Variants in AUTS2 observed in about 807,000 individuals in gnomAD.
AUTS2 encodes activator of transcription and developmental regulator AUTS2.
AUTS2 carries 17 observed loss-of-function variants against 112.4 expected under a neutral mutation model. The ratio of observed to expected loss-of-function variants is 0.15; its 90% CI spans 0.10 to 0.23. The LOEUF (loss-of-function observed/expected upper bound fraction) is 0.23, where lower values mean the gene tolerates loss of function less well. Ranked by LOEUF, AUTS2 falls within the 10% of genes least tolerant of loss-of-function variation. AUTS2 has a pLI of 1.00. For synonymous variants in AUTS2, 751 were observed against 702.7 expected, an observed-to-expected ratio of 1.07 and a Z score of -1.09; for missense variants, 1,510 against 1,701.6, an observed-to-expected ratio of 0.89 and a Z score of 1.98.
intron 4 of AUTS2, among the ~76,000 whole-genome samples, chr7:70,390,612 G>A (rs1374539296): frequency 6.6e-6 from 1 of 151,916 alleles, no homozygotes; most frequent in East Asian, 1.9e-4. Context: ...CATGAGGAGA[G>A]TTGAAGGAAA....
At chr7:69,912,391 G>GGT (rs1562964561) in intron 2 of AUTS2, among the ~76,000 whole-genome samples, 1 of 152,190 alleles carries the variant, frequency 6.6e-6, no homozygotes, top group East Asian at 1.9e-4. Flanking sequence ...CTCAGTGGAG[G>GGT]GTGGGGCTCC....
intron 2 of AUTS2, among the ~76,000 whole-genome samples, chr7:70,053,257 G>GCATCTAC (rs1801834654): frequency 1.3e-5 from 2 of 152,054 alleles, no homozygotes; most frequent in African/African-American, 4.8e-5. Context: ...GAGTGGGGAA[G>GCATCTAC]GTGTTCCTTA....
At chr7:70,036,128 G>A (rs1479480664) in intron 2 of AUTS2, among the ~76,000 whole-genome samples, 2 of 152,198 alleles carry the variant, frequency 1.3e-5, no homozygotes, top group Non-Finnish European at 2.9e-5. Flanking sequence ...GCCAGAGGTG[G>A]TTTGAGAGGC....
intron 1 of AUTS2, among the ~76,000 whole-genome samples, chr7:69,638,954 A>G (rs763845859): frequency 1.2e-4 from 18 of 152,222 alleles, no homozygotes; most frequent in Non-Finnish European, 2.4e-4. Flanking sequence ...GAACTTTTCA[A>G]TTTGCTAGTG....
intron 1 of AUTS2, among the ~76,000 whole-genome samples, chr7:69,632,781 T>C (rs774349734): frequency 1.1e-4 from 17 of 152,148 alleles, no homozygotes; most frequent in Non-Finnish European, 2.1e-4. Flanking sequence ...GCCACAACAC[T>C]AAGTTTTCAT....
chr7:70,297,301 T>A (rs1196182571), intron 4 of AUTS2, among the ~76,000 whole-genome samples: 1 of 152,146 alleles, frequency 6.6e-6, no homozygotes, highest in South Asian at 2.1e-4. Flanking sequence ...AACAAAGCTG[T>A]CTACGTAGTT....
intron 2 of AUTS2, among the ~76,000 whole-genome samples, chr7:69,960,331 T>C (rs1797379924): frequency 6.6e-6 from 1 of 152,210 alleles, no homozygotes; most frequent in Non-Finnish European, 1.5e-5. Context: ...GTGAATGTTA[T>C]TCACAAACTA....
chr7:69,612,466 CT>C (rs879396764), intron 1 of AUTS2, among the ~76,000 whole-genome samples: 115 of 145,472 alleles, frequency 7.9e-4, no homozygotes, highest in East Asian at 1.6e-3. Flanking sequence ...TATTTTAAAA[CT>C]TTTTTTTTTT....
rs140840745 is a variant in AUTS2, at chr7:70,539,870, C to T, written c.690+104089C>T. Among the ~76,000 whole-genome samples the T allele has an allele frequency of 9.9e-5, 15 of 152,242 alleles. No individual in the cohort carries two copies. In the East Asian group the frequency reaches 2.7e-3, roughly 27 times the overall value. ...GTCTGCCAACAAAACCAGCGCTGCCCGCCTGTTCTGTGGGGGTTGGCACAG... is the reference window on the plus strand; with the variant it reads ...GTCTGCCAACAAAACCAGCGCTGCCTGCCTGTTCTGTGGGGGTTGGCACAG... On this transcript the variant is annotated intron_variant, in intron 5 of 18. Transcript: ENST00000342771.
At chr7:70,500,819 T>TCAAGCGATTCTCCCGCA (rs1299690317) in intron 5 of AUTS2, among the ~76,000 whole-genome samples, 1 of 152,078 alleles carries the variant, frequency 6.6e-6, no homozygotes, top group Non-Finnish European at 1.5e-5. Flanking sequence ...CCTCCCAGGT[T>TCAAGCGATTCTCCCGCA]CAAGCGATTC....
intron 1 of AUTS2, among the ~76,000 whole-genome samples, chr7:69,830,766 T>G (rs1436255051): frequency 2.0e-5 from 3 of 152,244 alleles, no homozygotes; most frequent in Non-Finnish European, 2.9e-5. Context: ...TTAAATCGTT[T>G]TCTTTGGCTT....
chr7:69,861,168 A>AG (rs912209816), intron 1 of AUTS2, among the ~76,000 whole-genome samples: 1 of 148,656 alleles, frequency 6.7e-6, no homozygotes, highest in Non-Finnish European at 1.5e-5. Flanking sequence ...GATTTGTAGG[A>AG]GGGGGTGGGA....
At chr7:70,757,591 G>C (rs1270378620) in intron 6 of AUTS2, among the ~76,000 whole-genome samples, 1 of 151,410 alleles carries the variant, frequency 6.6e-6, no homozygotes, top group Non-Finnish European at 1.5e-5. Flanking sequence ...GATCCTGTTG[G>C]GTTTTTAAGT....
Position 70,106,667 on chromosome 7 carries a change from G to A in AUTS2, c.523-11465G>A, listed in dbSNP as rs968185662. On this transcript the variant is annotated intron_variant, in intron 2 of 18. Transcript: ENST00000342771. ...CCCAGGAGTTCAAGGCTGCAGTGGG[G>A]TGTGATCGTACCACTGCACTCCAGG... 2.0e-5 allele frequency among the ~76,000 whole-genome samples: 3 copies of A among 152,182 alleles called. No homozygotes were observed. In the East Asian group the frequency reaches 5.8e-4, roughly 29 times the overall value.
chr7:70,304,488 C>G (rs1473562111), intron 4 of AUTS2, among the ~76,000 whole-genome samples: 1 of 152,120 alleles, frequency 6.6e-6, no homozygotes, highest in Non-Finnish European at 1.5e-5. Flanking sequence ...AGGGATCACC[C>G]ATGACCTTTT....
chr7:70,517,435 G>A (rs1799459671), intron 5 of AUTS2, among the ~76,000 whole-genome samples: 1 of 152,056 alleles, frequency 6.6e-6, no homozygotes, highest in South Asian at 2.1e-4. Context: ...ACCTCAAAAT[G>A]ATACAAATTG....
In AUTS2 at chr7:70,090,009, C is replaced by CAAATAAATAAATAAAT. The variant is rs34279658; in HGVS notation, c.523-28102_523-28087dup. On this transcript the variant is annotated intron_variant, in intron 2 of 18. Transcript: ENST00000342771. The stretch of plus-strand genomic sequence containing the variant: ...GAAAGACAGAGAGACTGTTTCAAAA[C>CAAATAAATAAATAAAT]AAATAAATAAATAAATAAATAAATA... Among the ~76,000 whole-genome samples the CAAATAAATAAATAAAT allele has an allele frequency of 6.0e-4, 87 of 144,416 alleles. 1 individual carries two copies. The highest frequency in any genetic ancestry group is 1.5e-3 in the Admixed American group (22 of 14,452). The allele number at this position is 144,416 out of a possible 152,430, so 94.7% of individuals were successfully genotyped here. A position where few individuals can be genotyped will look rare whatever the true frequency, so the allele number is the denominator to read the frequency against.
intron 1 of AUTS2, among the ~76,000 whole-genome samples, chr7:69,821,513 T>C (rs1043487417): frequency 6.6e-6 from 1 of 152,112 alleles, no homozygotes; most frequent in Non-Finnish European, 1.5e-5. Flanking sequence ...AATGCAGCAC[T>C]GATCCCCTTC....
At chr7:69,846,410 G>T (rs1002203179) in intron 1 of AUTS2, among the ~76,000 whole-genome samples, 1 of 152,134 alleles carries the variant, frequency 6.6e-6, no homozygotes, top group Admixed American at 6.5e-5. Flanking sequence ...CTTGTCATGT[G>T]CTTCCTTTAC....
Sources: allele counts gnomAD v4.1 joint callset (sites outside exome capture counted in the v4.1 genomes callset), GRCh38; gene constraint gnomAD v4.1.1; transcripts MANE v1.5; gene names NCBI Gene and HGNC (gene_info 2026-07-23, HGNC 2026-07-21).